The following MORF4L1 variants were observed in gnomAD, a reference collection of about 807,000 sequenced individuals.
MORF4L1 encodes mortality factor 4-like protein 1.
A neutral mutation model predicts 52.9 loss-of-function variants in MORF4L1; 4 were observed. The observed-to-expected ratio is 0.08, with a 90% CI of 0.04 to 0.17. The LOEUF (loss-of-function observed/expected upper bound fraction) is 0.17. Ranked by LOEUF, MORF4L1 falls within the 10% of genes least tolerant of loss-of-function variation. MORF4L1 has a pLI of 1.00. For missense variants in MORF4L1, 214 were observed against 390.4 expected (o/e 0.55, Z 3.81); for synonymous variants, 123 against 134.8 (o/e 0.91, Z 0.61).
Position 78,897,257 on chromosome 15 carries a change from C to A in MORF4L1, c.*190C>A, listed in dbSNP as rs1170337243. The A allele has an allele frequency of 8.8e-6, 4 of 453,736 alleles. No homozygotes were observed. The highest frequency in any genetic ancestry group is 1.6e-5 in the Non-Finnish European group (4 of 244,386). The allele number at this position is 453,736 out of a possible 1,614,324, so 28.1% of individuals were successfully genotyped here. On this transcript the variant is annotated 3_prime_UTR_variant, in exon 12 of 12. Coordinates refer to ENST00000426013, the MANE Select transcript of MORF4L1 (RefSeq NM_006791.4). ...TTTTTTCTTCTTTCTTTTTTTTTTT[C>A]ATTTCAAAATTGCTGCCAGTGTTTT...
chr15:78,892,131 C>G (rs1008414165), intron 7 of MORF4L1, 81 bp from the exon 8 acceptor site: 1 of 858,258 alleles, frequency 1.2e-6, no homozygotes, highest in Non-Finnish European at 1.9e-6. Context: ...ATCCCTAGTG[C>G]CTCTAAAAGT....
intron 5 of MORF4L1, among the ~76,000 whole-genome samples, chr15:78,889,913 C>G (rs2056769647): frequency 6.6e-6 from 1 of 151,874 alleles, no homozygotes; most frequent in African/African-American, 2.4e-5. Flanking sequence ...CCTTTGTGGT[C>G]TAGAAATAAT....
chr15:78,873,171 G>A (rs944696291), intron 1 of MORF4L1, 114 bp downstream of exon 1: 89 of 1,531,136 alleles, frequency 5.8e-5, no homozygotes, highest in Non-Finnish European at 4.4e-5. Flanking sequence ...TGAGAAGGCG[G>A]CGGTCAGTGC....
intron 2 of MORF4L1, among the ~76,000 whole-genome samples, 181 bp from the exon 3 acceptor site, chr15:78,880,331 G>C (rs948128038): frequency 2.0e-5 from 3 of 152,152 alleles, no homozygotes; most frequent in African/African-American, 4.8e-5. Context: ...TCTCAGCTTT[G>C]TTGGACCTTT....
intron 1 of MORF4L1, among the ~76,000 whole-genome samples, chr15:78,877,542 A>T (rs549468612): frequency 6.6e-6 from 1 of 152,320 alleles, no homozygotes; most frequent in Non-Finnish European, 1.5e-5. Flanking sequence ...CTACACTCAA[A>T]TGTAATCTGA....
chr15:78,873,085 A>C, intron 1 of MORF4L1, 28 bp downstream of exon 1: 1 of 1,550,028 alleles, frequency 6.5e-7, no homozygotes, highest in East Asian at 2.5e-5. Flanking sequence ...GGAAAAAGGC[A>C]CCTAACGGCG....
chr15:78,873,993 C>T (rs981686238), intron 1 of MORF4L1: 1 of 152,226 alleles, frequency 6.6e-6, no homozygotes, highest in Admixed American at 6.5e-5. Context: ...TTAACAATGA[C>T]TTGAAAGTTG....
chr15:78,873,877 T>A (rs904122577), intron 1 of MORF4L1: 2 of 152,264 alleles, frequency 1.3e-5, no homozygotes, highest in Non-Finnish European at 2.9e-5. Flanking sequence ...TCGTAAAAAG[T>A]AAATAAAAAT....
chr15:78,872,988 G>A lies in MORF4L1; in HGVS notation c.-30G>A, dbSNP rs1364559782. The A allele has an allele frequency of 4.5e-6, 7 of 1,549,074 alleles. No individual in the cohort carries two copies. Among genetic ancestry groups the A allele is most frequent in the Admixed American group, 3.9e-5 (2 of 50,650 alleles). ...AGGGGGCGGTAGTCGGGGGTGGTGG[G>A]AGAAGGAGGAGGCGGCGAATCACTT... is the stretch of plus-strand genomic sequence containing the variant. On this transcript the variant is annotated 5_prime_UTR_variant, in exon 1 of 12. Transcript: ENST00000426013.
intron 2 of MORF4L1, 38 bp from the exon 3 acceptor site, chr15:78,880,474 A>C: frequency 4.0e-6 from 6 of 1,502,732 alleles, no homozygotes; most frequent in Non-Finnish European, 5.5e-6. Context: ...TCTTTAAAAA[A>C]TTTCTAAGTG....
Position 78,872,981 on chromosome 15 carries a change from G to C in MORF4L1, c.-37G>C. ...AGAGAGTAGGGGGCGGTAGTCGGGG[G>C]TGGTGGGAGAAGGAGGAGGCGGCGA... On this transcript the variant is annotated 5_prime_UTR_variant, in exon 1 of 12. Transcript: ENST00000426013. 1 of 1,548,368 alleles carries C rather than the reference G, an allele frequency of 6.5e-7. No homozygotes were observed. Among genetic ancestry groups the C allele is most frequent in the Middle Eastern group, 2.2e-4 (1 of 4,548 alleles).
At chr15:78,876,471 C>G in intron 1 of MORF4L1, 1 of 454,326 alleles carries the variant, frequency 2.2e-6, no homozygotes, top group Non-Finnish European at 4.4e-6. Context: ...TACTCCTCAG[C>G]TAGCTGTATA....
At chr15:78,881,188 C>CTTTTTT (rs777713555) in intron 3 of MORF4L1, among the ~76,000 whole-genome samples, 67 of 13,754 alleles carry the variant, frequency 4.9e-3, no homozygotes, top group South Asian at 0.021. Context: ...AAGAGTTAAG[C>CTTTTTT]CTTTTTTTTT....
chr15:78,876,948 GTTT>G (rs902268855), intron 1 of MORF4L1, among the ~76,000 whole-genome samples: 2 of 150,610 alleles, frequency 1.3e-5, no homozygotes, highest in Non-Finnish European at 3.0e-5. Flanking sequence ...AATTTTAGTG[GTTT>G]TTTTTTGAGG....
intron 1 of MORF4L1, among the ~76,000 whole-genome samples, chr15:78,873,467 C>T (rs1211944569): frequency 6.6e-6 from 1 of 152,020 alleles, no homozygotes; most frequent in Non-Finnish European, 1.5e-5. Flanking sequence ...CGCGCCCGGC[C>T]GCTTGGGCAG....
intron 1 of MORF4L1, 47 bp downstream of exon 1, chr15:78,873,104 A>G (rs2141579385): frequency 6.5e-7 from 1 of 1,547,112 alleles, no homozygotes; most frequent in Non-Finnish European, 8.7e-7. Flanking sequence ...CGCAGGAGAT[A>G]GAGGCGGGCT....
chr15:78,896,225 C>T (rs1183214553), intron 11 of MORF4L1, among the ~76,000 whole-genome samples: 1 of 151,994 alleles, frequency 6.6e-6, no homozygotes, highest in Non-Finnish European at 1.5e-5. Context: ...ATTTTTGTGC[C>T]TCGGCCCCCC....
intron 5 of MORF4L1, among the ~76,000 whole-genome samples, chr15:78,888,064 C>A (rs1047551682): frequency 6.6e-6 from 1 of 152,260 alleles, no homozygotes; most frequent in Non-Finnish European, 1.5e-5. Context: ...TGAGCCACTG[C>A]TCCTGGCACA....
chr15:78,894,254 T>C (rs371319302), intron 10 of MORF4L1, 24 bp downstream of exon 10: 59 of 1,563,676 alleles, frequency 3.8e-5, no homozygotes, highest in Admixed American at 5.8e-5. Flanking sequence ...TAGAAAATAA[T>C]GGATTTTACT....
Sources: gnomAD v4.1 joint callset for allele counts (sites outside exome capture counted in the v4.1 genomes callset) on GRCh38, gnomAD v4.1.1 for gene constraint, MANE v1.5 for transcripts, NCBI Gene and HGNC (gene_info 2026-07-23, HGNC 2026-07-21) for gene names.